Variants in OGDHL observed in about 807,000 individuals in gnomAD.
The protein encoded by OGDHL is 2-oxoglutarate dehydrogenase-like, mitochondrial.
Under a neutral mutation model 109.6 loss-of-function variants are expected in OGDHL, and 79 were observed. The ratio of observed to expected loss-of-function variants is 0.72; its 90% CI spans 0.60 to 0.87. The LOEUF is 0.87. OGDHL is among the 40% of genes least tolerant of loss of function. The probability of loss-of-function intolerance (pLI) is 0.00; values close to 1 mark genes in which losing one functional copy is unlikely to be tolerated. For synonymous variants in OGDHL, 528 were observed against 537.2 expected, an observed-to-expected ratio of 0.98 and a Z score of 0.24; for missense variants, 1,275 against 1,362.2, an observed-to-expected ratio of 0.94 and a Z score of 1.01.
chr10:49,749,282 G>A (rs1377388371), intron 8 of OGDHL, among the ~76,000 whole-genome samples: 1 of 152,122 alleles, frequency 6.6e-6, no homozygotes, highest in East Asian at 1.9e-4. Flanking sequence ...GGGAGGGGGT[G>A]GGAGCAGGAA....
intron 14 of OGDHL, chr10:49,743,792 G>A (rs1258170): frequency 0.45 from 241,807 of 540,116 alleles, 60,677 homozygotes; most frequent in East Asian, 0.87. Flanking sequence ...TGTGGCATCT[G>A]GAGCTGCCCA....
In OGDHL at chr10:49,756,778, G is replaced by A. The variant is rs932093782; in HGVS notation, c.373C>T (p.Gln125Ter). Residue 125 changes from glutamine to a stop codon, truncating the protein, a stop_gained and splice_region_variant, in exon 3 of 23, where the codon CAG becomes TAG. Coordinates refer to ENST00000374103, the MANE Select transcript of OGDHL (RefSeq NM_018245.3). LOFTEE classifies it high-confidence loss of function. ...GCTGTGCCTCAGCTGCCCCTCACCT[G>A]GTAGGCCCGGATCAGGGACTGCACA... ...LAVQSLIRAY[Q>*]IRGHHVAQLD... The A allele has an allele frequency of 4.3e-6, 7 of 1,612,044 alleles. No homozygotes were observed. Among genetic ancestry groups the A allele is most frequent in the Non-Finnish European group, 5.9e-6 (7 of 1,178,958 alleles).
Position 49,752,160 on chromosome 10 carries a change from A to G in OGDHL, c.567T>C (p.Ser189=), listed in dbSNP as rs1389374064. ...TFIGGSENTL[S]LREIIRRLEN... ...CCAGGCGCCGAATGATCTCCCGCAG[A>G]GAGAGGGTGTTTTCAGAGCCCCCAA... is the stretch of plus-strand genomic sequence containing the variant. Residue 189 remains serine, a synonymous_variant, in exon 5 of 23, where the codon TCT becomes TCC. Transcript: ENST00000374103. 10 of 1,613,968 alleles carry G rather than the reference A, an allele frequency of 6.2e-6. No homozygotes were observed. Among genetic ancestry groups the G allele is most frequent in the Non-Finnish European group, 7.6e-6 (9 of 1,180,018 alleles).
Position 49,756,881 on chromosome 10 carries a change from G to A in OGDHL, c.270C>T (p.Pro90=), listed in dbSNP as rs762469304. 9 of 1,614,032 alleles carry A rather than the reference G, an allele frequency of 5.6e-6. No individual in the cohort carries two copies. Among genetic ancestry groups the A allele is most frequent in the Middle Eastern group, 1.6e-4 (1 of 6,062 alleles). Residue 90 remains proline, a synonymous_variant, in exon 3 of 23, where the codon CCC becomes CCT. Transcript: ENST00000374103. ...EAFSGSAQPR[P]PSVVHESRSA... is the part of the protein sequence containing the mutation. ...ACCTGCTCTCATGGACAACAGAAGGGGGCCGTGGCTGAGCAGAGCCAGAAA... is the reference window on the plus strand; with the variant it reads ...ACCTGCTCTCATGGACAACAGAAGGAGGCCGTGGCTGAGCAGAGCCAGAAA...
chr10:49,739,615 G>T, intron 17 of OGDHL, 46 bp downstream of exon 17: 1 of 1,590,670 alleles, frequency 6.3e-7, no homozygotes, highest in Non-Finnish European at 8.6e-7. Flanking sequence ...CCCCTTCAAG[G>T]CCCGCCAGAA....
rs1345519857 is a variant in OGDHL at position 49,750,850 on chromosome 10, C to T, written c.885G>A (p.Gly295=). ...SEMGIENVIL[G]MPHRGRLNVL... ...GGAGGGGGACCCACCTGTGTGGCAT[C>T]CCCAAGATGACATTCTCAATCCCCA... The change falls in exon 7 of 23, where the codon GGG becomes GGA. Residue 295 remains glycine, a synonymous_variant. Coordinates refer to ENST00000374103, the MANE Select transcript of OGDHL (RefSeq NM_018245.3). 1 of 1,610,330 alleles carries T rather than the reference C, an allele frequency of 6.2e-7. No homozygotes were observed. Among genetic ancestry groups the T allele is most frequent in the Non-Finnish European group, 8.5e-7 (1 of 1,178,272 alleles).
chr10:49,746,097 G>A, intron 10 of OGDHL, 120 bp from the exon 11 acceptor site: 1 of 1,131,922 alleles, frequency 8.8e-7, no homozygotes. Context: ...CAGGAGGAAT[G>A]TGGGACACAA....
chr10:49,739,574 C>A, intron 17 of OGDHL, 87 bp downstream of exon 17: 1 of 1,508,258 alleles, frequency 6.6e-7, no homozygotes. Flanking sequence ...ATATACCGTC[C>A]AACCCGACAA....
chr10:49,758,897 A>G (rs558350846), intron 1 of OGDHL, among the ~76,000 whole-genome samples: 85 of 152,302 alleles, frequency 5.6e-4, no homozygotes, highest in African/African-American at 2.0e-3. Context: ...GTGCAGAGAC[A>G]TGAACTCCCC....
Position 49,745,485 on chromosome 10 carries a change from G to A in OGDHL, c.1488C>T (p.Arg496=), listed in dbSNP as rs1252357725. 5 of 1,613,932 alleles carry A rather than the reference G, an allele frequency of 3.1e-6. No homozygotes were observed. Among genetic ancestry groups the A allele is most frequent in the Non-Finnish European group, 4.2e-6 (5 of 1,180,038 alleles). The stretch of plus-strand genomic sequence containing the variant: ...CGTCCATCTCATTGTGGCCACGCCG[G>A]CGGTAACAGACCTGCAGGAGCAGCC... The part of the protein sequence containing the change: ...KDVVVDLVCY[R]RRGHNEMDEP... Residue 496 remains arginine (R), a synonymous_variant, in exon 12 of 23, where the codon CGC becomes CGT. Transcript: ENST00000374103.
Position 49,752,747 on chromosome 10 carries a change from G to A in OGDHL, c.376-7C>T, listed in dbSNP as rs1842690596. On this transcript the variant is annotated splice_region_variant and splice_polypyrimidine_tract_variant and intron_variant, in intron 3 of 22. Coordinates refer to ENST00000374103, the MANE Select transcript of OGDHL (RefSeq NM_018245.3). The stretch of plus-strand genomic sequence containing the variant: ...CCACATGGTGACCCCGGATCTGGGA[G>A]GAGGGAAAAGAGCAGGGTGGGGCTG... 1.9e-6 allele frequency: 3 copies of A among 1,609,720 alleles called. No individual in the cohort carries two copies. Among genetic ancestry groups the A allele is most frequent in the South Asian group, 2.2e-5 (2 of 90,960 alleles).
At chr10:49,741,370 T>A (rs745836) in intron 15 of OGDHL, among the ~76,000 whole-genome samples, 58,284 of 151,930 alleles carry the variant, frequency 0.38, 13,645 homozygotes, top group East Asian at 0.87. Context: ...CAGGTAGCTC[T>A]GGGTGCATCA....
chr10:49,752,014 G>A (rs368471106), intron 5 of OGDHL, 33 bp from the exon 6 acceptor site: 49 of 1,613,222 alleles, frequency 3.0e-5, no homozygotes, highest in African/African-American at 6.7e-5. Flanking sequence ...CATGAGGAGC[G>A]GGGAAGAGGG....
intron 15 of OGDHL, 88 bp downstream of exon 15, chr10:49,742,740 C>A: frequency 6.8e-7 from 1 of 1,479,228 alleles, no homozygotes; most frequent in Non-Finnish European, 9.0e-7. Flanking sequence ...AAGATCCCAC[C>A]CCAACAAAGG....
At chr10:49,739,157 G>C (rs1270999869) in intron 17 of OGDHL, 1 of 153,154 alleles carries the variant, frequency 6.5e-6, no homozygotes, top group African/African-American at 2.4e-5. Flanking sequence ...CTCCCTTCCT[G>C]CTAGCCCAGG....
chr10:49,756,980 C>A, intron 2 of OGDHL, 34 bp from the exon 3 acceptor site: 1 of 1,596,334 alleles, frequency 6.3e-7, no homozygotes, highest in Non-Finnish European at 8.5e-7. Context: ...GCAGCCAGGT[C>A]AGGGCCTGGG....
At chr10:49,742,078 C>A (rs373602168) in intron 15 of OGDHL, among the ~76,000 whole-genome samples, 9 of 66,794 alleles carry the variant, frequency 1.3e-4, no homozygotes, top group Middle Eastern at 6.8e-3. Flanking sequence ...ACCACACACC[C>A]CACACATACC....
At chr10:49,735,448 C>T (rs1841086359) in intron 22 of OGDHL, 97 bp from the exon 23 acceptor site, 3 of 1,431,908 alleles carry the variant, frequency 2.1e-6, no homozygotes, top group East Asian at 2.3e-5. Flanking sequence ...CATCTGAGAA[C>T]CGCTGACCTC....
At chr10:49,760,134 G>A (rs182932178) in intron 1 of OGDHL, among the ~76,000 whole-genome samples, 1 of 152,338 alleles carries the variant, frequency 6.6e-6, no homozygotes, top group East Asian at 1.9e-4. Context: ...CAGGCTCCTG[G>A]GGCAACCAGC....
Sources: allele counts gnomAD v4.1 joint callset (sites outside exome capture counted in the v4.1 genomes callset), GRCh38; gene constraint gnomAD v4.1.1; transcripts MANE v1.5; gene names NCBI Gene and HGNC (gene_info 2026-07-23, HGNC 2026-07-21).